The following PVT1 variants were observed in gnomAD, a reference collection of about 807,000 sequenced individuals.
PVT1 encodes the protein Pvt1 oncogene.
intron 4 of PVT1, among the ~76,000 whole-genome samples, chr8:128,023,302 A>C (rs919794541): frequency 6.6e-6 from 1 of 152,146 alleles, no homozygotes; most frequent in African/African-American, 2.4e-5. Flanking sequence ...CAGGTGCTCT[A>C]ATGGTCCCAG....
At chr8:127,850,385 G>A (rs950784369) in intron 2 of PVT1, among the ~76,000 whole-genome samples, 3 of 152,152 alleles carry the variant, frequency 2.0e-5, no homozygotes, top group Admixed American at 2.0e-4. Flanking sequence ...GGAAACTCAG[G>A]CCACCAGCAT....
intron 3 of PVT1, chr8:127,948,173 C>T: frequency 5.6e-6 from 2 of 359,926 alleles, no homozygotes; most frequent in Admixed American, 7.6e-5. Context: ...CAAAGGGATA[C>T]AGTATTGTGC....
At chr8:127,877,305 C>T (rs950487263) in intron 2 of PVT1, among the ~76,000 whole-genome samples, 4 of 152,202 alleles carry the variant, frequency 2.6e-5, no homozygotes, top group Non-Finnish European at 5.9e-5. Flanking sequence ...CCTTTTCACG[C>T]TGCTGTTTCT....
intron 3 of PVT1, among the ~76,000 whole-genome samples, chr8:127,951,981 A>G (rs375716240): frequency 7.2e-5 from 11 of 151,766 alleles, no homozygotes; most frequent in Non-Finnish European, 1.2e-4. Context: ...ACGCTCGACT[A>G]ATGTTTGTGT....
At chr8:127,909,386 C>T (rs917893860) in intron 3 of PVT1, among the ~76,000 whole-genome samples, 1 of 152,192 alleles carries the variant, frequency 6.6e-6, no homozygotes, top group African/African-American at 2.4e-5. Flanking sequence ...AGTGATGCAT[C>T]TCGAGAGAGA....
At chr8:127,947,777 A>C (rs1302963498) in intron 3 of PVT1, 1 of 456,538 alleles carries the variant, frequency 2.2e-6, no homozygotes, top group Non-Finnish European at 4.4e-6. Flanking sequence ...AGGTTTCTGA[A>C]TCTTGTGAAA....
chr8:127,981,227 C>A (rs965783483), intron 3 of PVT1, among the ~76,000 whole-genome samples: 3 of 152,170 alleles, frequency 2.0e-5, no homozygotes, highest in African/African-American at 7.2e-5. Context: ...TCAAGGAGAA[C>A]TAGAGATTGC....
intron 2 of PVT1, among the ~76,000 whole-genome samples, chr8:127,853,355 C>T (rs2129736915): frequency 6.6e-6 from 1 of 152,210 alleles, no homozygotes; most frequent in South Asian, 2.1e-4. Flanking sequence ...TAAGGGCTGG[C>T]AGCAGTGGAG....
chr8:128,087,925 T>C (rs1334372354), intron 5 of PVT1, among the ~76,000 whole-genome samples: 1 of 151,532 alleles, frequency 6.6e-6, no homozygotes, highest in Non-Finnish European at 1.5e-5. Context: ...CACCCGGCTA[T>C]TTTTTGTGTT....
chr8:127,841,419 A>G (rs1420478926), intron 2 of PVT1, among the ~76,000 whole-genome samples: 2 of 151,690 alleles, frequency 1.3e-5, no homozygotes, highest in Non-Finnish European at 2.9e-5. Flanking sequence ...GATTACAGGC[A>G]TGCACCACCA....
chr8:128,059,289 C>T (rs970621836), intron 4 of PVT1, among the ~76,000 whole-genome samples: 2 of 152,070 alleles, frequency 1.3e-5, no homozygotes, highest in African/African-American at 2.4e-5. Context: ...GAATGCTCAG[C>T]CATTGTTGCC....
intron 3 of PVT1, among the ~76,000 whole-genome samples, chr8:127,921,812 G>C (rs62512787): frequency 5.2e-3 from 3 of 582 alleles, no homozygotes; most frequent in African/African-American, 0.011. Context: ...GACTCTGTCT[G>C]GAAAATAAAT....
chr8:128,066,070 A>T (rs1813907181), intron 4 of PVT1, among the ~76,000 whole-genome samples: 1 of 152,276 alleles, frequency 6.6e-6, no homozygotes, highest in East Asian at 1.9e-4. Context: ...AATGAGAAGG[A>T]AAGTGGCTGG....
chr8:127,802,031 T>C (rs1351954833), intron 2 of PVT1, among the ~76,000 whole-genome samples: 1 of 152,196 alleles, frequency 6.6e-6, no homozygotes, highest in East Asian at 1.9e-4. Flanking sequence ...TTCTCCTGCC[T>C]CAGCCTCCCA....
intron 3 of PVT1, among the ~76,000 whole-genome samples, chr8:127,896,262 G>A (rs575396261): frequency 1.1e-4 from 16 of 152,198 alleles, no homozygotes; most frequent in African/African-American, 3.9e-4. Flanking sequence ...GGCAGGGGGT[G>A]CTGCATTGAC....
At chr8:127,866,135 G>C (rs1815284631) in intron 2 of PVT1, among the ~76,000 whole-genome samples, 1 of 152,178 alleles carries the variant, frequency 6.6e-6, no homozygotes, top group Admixed American at 6.5e-5. Context: ...TTGTTGGTCT[G>C]TTGGCGTTCT....
chr8:127,961,209 G>A (rs1444601397), intron 3 of PVT1, among the ~76,000 whole-genome samples: 2 of 152,190 alleles, frequency 1.3e-5, no homozygotes, highest in Admixed American at 1.3e-4. Flanking sequence ...TTTAAGCAGA[G>A]GTGAGAGAGG....
At chr8:127,944,305 G>T (rs1216596531) in intron 3 of PVT1, among the ~76,000 whole-genome samples, 1 of 152,160 alleles carries the variant, frequency 6.6e-6, no homozygotes, top group Non-Finnish European at 1.5e-5. Flanking sequence ...AAGTCATGAA[G>T]ATCTAAACTA....
intron 2 of PVT1, among the ~76,000 whole-genome samples, chr8:127,821,791 G>A (rs1814732170): frequency 6.6e-6 from 1 of 151,776 alleles, no homozygotes; most frequent in Non-Finnish European, 1.5e-5. Context: ...CAGCCTGGGC[G>A]ACAGAGGGTC....
Sources: gnomAD v4.1 joint callset for allele counts (sites outside exome capture counted in the v4.1 genomes callset) on GRCh38, gnomAD v4.1.1 for gene constraint, MANE v1.5 for transcripts, NCBI Gene and HGNC (gene_info 2026-07-23, HGNC 2026-07-21) for gene names.